C2CD3: variants seen among roughly 807,000 people sequenced by gnomAD.
The protein encoded by C2CD3 is C2 domain-containing protein 3.
In C2CD3, 148 loss-of-function variants were observed where a neutral mutation model predicts 234.0. That is an observed-to-expected ratio of 0.63 (90% CI 0.55 to 0.72). The LOEUF (loss-of-function observed/expected upper bound fraction) is 0.72. Ranked by LOEUF, C2CD3 falls within the 30% of genes least tolerant of loss-of-function variation. The pLI, the probability that C2CD3 is intolerant of heterozygous loss-of-function variation, is 0.00. For synonymous variants in C2CD3, 1,000 were observed against 1,035.4 expected (o/e 0.97, Z 0.66); for missense variants, 2,577 against 2,811.5 (o/e 0.92, Z 1.89).
At chr11:74,148,401 ATATATGTATATATACACACATATACCT>A (rs1855358911) in intron 3 of C2CD3, among the ~76,000 whole-genome samples, 1 of 151,584 alleles carries the variant, frequency 6.6e-6, no homozygotes, top group South Asian at 2.1e-4. Flanking sequence ...TAAATATCTT[ATATATGTATATATACACACATATACCT>A]TATATGTGTG....
chr11:74,075,923 A>C (rs1955017060), intron 23 of C2CD3, among the ~76,000 whole-genome samples: 1 of 152,250 alleles, frequency 6.6e-6, no homozygotes, highest in South Asian at 2.1e-4. Context: ...TAAAAAGCTC[A>C]GACAAGAGGG....
At chr11:74,153,624 T>C (rs1415724570) in intron 3 of C2CD3, among the ~76,000 whole-genome samples, 1 of 152,234 alleles carries the variant, frequency 6.6e-6, no homozygotes, top group Non-Finnish European at 1.5e-5. Context: ...CTCTGAATTT[T>C]ATCTGTATAT....
chr11:74,066,680 CTG>C (rs557270115), intron 24 of C2CD3, among the ~76,000 whole-genome samples: 249 of 150,826 alleles, frequency 1.7e-3, no homozygotes, highest in South Asian at 2.3e-3. Context: ...AGAAAGAAAA[CTG>C]TTTTATTACA....
intron 18 of C2CD3, among the ~76,000 whole-genome samples, chr11:74,093,553 T>C (rs1955980752): frequency 6.6e-6 from 1 of 151,882 alleles, no homozygotes; most frequent in Non-Finnish European, 1.5e-5. Context: ...GTTTAATACA[T>C]AATAGGAGGT....
chr11:74,116,025 G>C (rs1285810838), intron 9 of C2CD3, among the ~76,000 whole-genome samples: 1 of 152,114 alleles, frequency 6.6e-6, no homozygotes, highest in South Asian at 2.1e-4. Context: ...AAAAATTCTA[G>C]AAGATAACAA....
chr11:74,113,953 T>C, intron 10 of C2CD3, 61 bp from the exon 11 acceptor site: 1 of 996,364 alleles, frequency 1.0e-6, no homozygotes, highest in South Asian at 1.5e-5. Flanking sequence ...TTCCGTCTGA[T>C]AAATCCAACA....
chr11:74,164,280 G>A (rs1332009710), intron 2 of C2CD3: 2 of 958,594 alleles, frequency 2.1e-6, no homozygotes, highest in Non-Finnish European at 2.5e-6. Context: ...ACGTAGTGTA[G>A]CCATAATTTT....
chr11:74,115,467 AC>A (rs1956894626), intron 9 of C2CD3, among the ~76,000 whole-genome samples: 1 of 152,182 alleles, frequency 6.6e-6, no homozygotes, highest in African/African-American at 2.4e-5. Flanking sequence ...TACACATACA[AC>A]CTAGAATTCT....
chr11:74,028,526 T>A (rs1952398200), intron 31 of C2CD3, 128 bp from the exon 32 acceptor site: 1 of 650,430 alleles, frequency 1.5e-6, no homozygotes. Context: ...TGTCCATAAA[T>A]TCTTTGCTCA....
At chr11:74,113,739 G>T in intron 11 of C2CD3, 41 bp downstream of exon 11, 15 of 1,012,334 alleles carry the variant, frequency 1.5e-5, no homozygotes, top group East Asian at 2.5e-5. Flanking sequence ...TTCTTCCAAA[G>T]TCAGAATGTC....
chr11:74,111,119 T>C (rs1227935251), intron 11 of C2CD3, among the ~76,000 whole-genome samples: 1 of 152,252 alleles, frequency 6.6e-6, no homozygotes, highest in Non-Finnish European at 1.5e-5. Flanking sequence ...AGTTCTACCA[T>C]AAACCAGCTG....
chr11:74,123,780 C>T (rs1313349241), intron 7 of C2CD3, among the ~76,000 whole-genome samples: 1 of 149,250 alleles, frequency 6.7e-6, no homozygotes, highest in Non-Finnish European at 1.5e-5. Context: ...CTCTTATTGC[C>T]CAGGCTGGAG....
At position 74,139,669 on chromosome 11, in the gene C2CD3, T is replaced by C; in HGVS notation, c.643A>G (p.Ile215Val). 1 of 1,614,072 alleles carries C rather than the reference T, an allele frequency of 6.2e-7. No homozygotes were observed. The highest frequency in any genetic ancestry group is 8.5e-7 in the Non-Finnish European group (1 of 1,179,938). ...QFQVPSRPRD[I>V]HTIKIDGKEL... ...TTTCCATCAATTTTGATGGTATGTATGTCGCGAGGCCTTGATGGAACCTGA... is the reference window on the plus strand; with the variant it reads ...TTTCCATCAATTTTGATGGTATGTACGTCGCGAGGCCTTGATGGAACCTGA... Residue 215 changes from isoleucine to valine, a missense_variant, in exon 4 of 33, where the codon ATA becomes GTA. By Grantham distance (29) the Ile-to-Val change is conservative (BLOSUM62 3). Coordinates refer to ENST00000334126, the MANE Select transcript of C2CD3 (RefSeq NM_001286577.2).
chr11:74,044,591 A>G (rs1953264484), intron 28 of C2CD3, among the ~76,000 whole-genome samples: 1 of 152,018 alleles, frequency 6.6e-6, no homozygotes, highest in Admixed American at 6.6e-5. Flanking sequence ...TTCAATTTGT[A>G]TTTTAGATCT....
At position 74,037,539 on chromosome 11, in the gene C2CD3, C is replaced by T. The variant is rs769584661; in HGVS notation, c.5820G>A (p.Gly1940=). ...LGPGASSLDP[G]SQCILEKSSN... ...TGGATTTCTCCAGGATACACTGGCT[C>T]CCAGGGTCTAGGCTGCTGGCACCTG... Residue 1940 remains glycine (G), a synonymous_variant, in exon 30 of 33, where the codon GGG becomes GGA. Coordinates refer to ENST00000334126, the MANE Select transcript of C2CD3 (RefSeq NM_001286577.2). The T allele has an allele frequency of 6.2e-7, 1 of 1,614,088 alleles. No homozygotes were observed. The highest frequency in any genetic ancestry group is 8.5e-7 in the Non-Finnish European group (1 of 1,179,998).
Position 74,114,543 on chromosome 11 carries a change from G to C in C2CD3, c.1571C>G (p.Thr524Arg). ...CAGTCTATCCACACTTAGTGTCATC[G>C]TTTGGGCATCTTCTGGAGTTTCTGA... ...MLSETPEDAQ[T>R]MTLSVDRLAL... Residue 524 changes from threonine to arginine, a missense_variant, in exon 10 of 33, where the codon ACG becomes AGG. Coordinates refer to ENST00000334126, the MANE Select transcript of C2CD3 (RefSeq NM_001286577.2). The C allele has an allele frequency of 6.2e-7, 1 of 1,613,930 alleles. No homozygotes were observed. The highest frequency in any genetic ancestry group is 1.1e-5 in the South Asian group (1 of 91,078).
chr11:74,062,368 T>C (rs1227018245), intron 24 of C2CD3, among the ~76,000 whole-genome samples: 2 of 152,166 alleles, frequency 1.3e-5, no homozygotes, highest in Admixed American at 6.6e-5. Flanking sequence ...GACCACATAG[T>C]TGGAAGTAAA....
chr11:74,126,848 T>C (rs1179408420), intron 7 of C2CD3, among the ~76,000 whole-genome samples: 6 of 152,170 alleles, frequency 3.9e-5, no homozygotes. Context: ...TTAAAACATT[T>C]TCATCATCTC....
At chr11:74,155,968 C>A (rs140102003) in intron 3 of C2CD3, among the ~76,000 whole-genome samples, 3,459 of 151,918 alleles carry the variant, frequency 0.023, 124 homozygotes, top group African/African-American at 0.078. Context: ...TGGCAAAACC[C>A]TGTGTCTACA....
Sources: gnomAD v4.1 joint callset for allele counts (sites outside exome capture counted in the v4.1 genomes callset) on GRCh38, gnomAD v4.1.1 for gene constraint, MANE v1.5 for transcripts, NCBI Gene and HGNC (gene_info 2026-07-23, HGNC 2026-07-21) for gene names.